Variants in PARN observed in about 807,000 individuals in gnomAD.
The protein encoded by PARN is poly(A)-specific ribonuclease, also known as poly(A)-specific ribonuclease PARN.
A neutral mutation model predicts 102.8 loss-of-function variants in PARN; 71 were observed. The observed-to-expected ratio is 0.69, with a 90% CI of 0.57 to 0.84. The LOEUF (loss-of-function observed/expected upper bound fraction) is 0.84. Ranked by LOEUF, PARN falls within the 40% of genes least tolerant of loss-of-function variation. PARN has a pLI of 0.00. For missense variants in PARN, 782 were observed against 760.9 expected (o/e 1.03, Z -0.33); for synonymous variants, 261 against 252.9 (o/e 1.03, Z -0.30).
intron 22 of PARN, among the ~76,000 whole-genome samples, chr16:14,466,315 T>G (rs76545496): frequency 6.6e-6 from 1 of 152,330 alleles, no homozygotes; most frequent in East Asian, 1.9e-4. Context: ...AAAGACAATG[T>G]TCATAGCTTT....
chr16:14,474,210 G>T (rs559418446), intron 22 of PARN, among the ~76,000 whole-genome samples: 1 of 152,172 alleles, frequency 6.6e-6, no homozygotes, highest in African/African-American at 2.4e-5. Context: ...TTGTCATGTT[G>T]CCCAGGCTGG....
intron 18 of PARN, among the ~76,000 whole-genome samples, chr16:14,560,867 C>A (rs764720725): frequency 1.3e-5 from 2 of 152,170 alleles, no homozygotes; most frequent in Admixed American, 6.5e-5. Context: ...GTGAAACAGG[C>A]GGTATAGGCC....
intron 16 of PARN, 22 bp from the exon 17 acceptor site, chr16:14,582,313 T>A: frequency 6.5e-7 from 1 of 1,546,284 alleles, no homozygotes; most frequent in South Asian, 1.1e-5. Flanking sequence ...AAGGAAAAAG[T>A]TTTCCTCAAA....
intron 18 of PARN, among the ~76,000 whole-genome samples, chr16:14,561,507 A>G (rs1034184110): frequency 4.6e-5 from 7 of 152,236 alleles, no homozygotes; most frequent in Admixed American, 2.0e-4. Flanking sequence ...AAAAGATATT[A>G]GTCTTAATGA....
intron 18 of PARN, among the ~76,000 whole-genome samples, chr16:14,563,310 G>A (rs1249672100): frequency 6.6e-6 from 1 of 152,190 alleles, no homozygotes; most frequent in Non-Finnish European, 1.5e-5. Flanking sequence ...GCAAAAAATG[G>A]TCACGCCTAG....
At chr16:14,600,660 G>A (rs1340916984) in intron 11 of PARN, among the ~76,000 whole-genome samples, 1 of 152,164 alleles carries the variant, frequency 6.6e-6, no homozygotes, top group Non-Finnish European at 1.5e-5. Context: ...GCTGGGTGAA[G>A]TGGCTCACGC....
intron 18 of PARN, among the ~76,000 whole-genome samples, chr16:14,559,411 T>G (rs1294373210): frequency 3.9e-5 from 4 of 103,524 alleles, no homozygotes; most frequent in East Asian, 3.9e-4. Context: ...AAAGATTTGT[T>G]TTTTTTTTTT....
chr16:14,609,791 AAAGAG>A, intron 7 of PARN, among the ~76,000 whole-genome samples: 2 of 152,378 alleles, frequency 1.3e-5, no homozygotes, highest in African/African-American at 4.8e-5. Flanking sequence ...TACTGCAAGC[AAAGAG>A]AACATGGACA....
chr16:14,526,638 C>CT (rs1293102205), intron 21 of PARN, among the ~76,000 whole-genome samples: 1 of 152,156 alleles, frequency 6.6e-6, no homozygotes, highest in African/African-American at 2.4e-5. Flanking sequence ...AGGGTGTAAT[C>CT]CACAATAAGG....
intron 21 of PARN, among the ~76,000 whole-genome samples, chr16:14,526,900 G>A (rs972856453): frequency 3.9e-5 from 6 of 152,160 alleles, no homozygotes; most frequent in Admixed American, 2.0e-4. Context: ...AAGCTCTGAG[G>A]TGAGTACCTC....
chr16:14,443,460 C>T (rs1175586638), intron 23 of PARN, among the ~76,000 whole-genome samples: 3 of 151,812 alleles, frequency 2.0e-5, no homozygotes, highest in Non-Finnish European at 4.4e-5. Context: ...CCTGCCTCAG[C>T]CTCCCAAGTA....
intron 21 of PARN, among the ~76,000 whole-genome samples, chr16:14,542,098 GAGCTC>G (rs1567365296): frequency 6.6e-6 from 1 of 151,856 alleles, no homozygotes; most frequent in East Asian, 1.9e-4. Context: ...TTGACCTCCT[GAGCTC>G]AGGGGATCCT....
chr16:14,441,505 G>C (rs1258239659), intron 23 of PARN, among the ~76,000 whole-genome samples: 1 of 152,228 alleles, frequency 6.6e-6, no homozygotes, highest in Admixed American at 6.5e-5. Flanking sequence ...TACACAGGAA[G>C]GTCCTTTGGG....
intron 21 of PARN, among the ~76,000 whole-genome samples, chr16:14,545,331 A>G (rs1033524006): frequency 4.6e-5 from 7 of 152,246 alleles, no homozygotes; most frequent in Non-Finnish European, 7.3e-5. Context: ...CTGAAATCCT[A>G]TTGAAATCTT....
chr16:14,561,143 G>C (rs1226417744), intron 18 of PARN, among the ~76,000 whole-genome samples: 1 of 138,340 alleles, frequency 7.2e-6, no homozygotes, highest in African/African-American at 2.7e-5. Context: ...AGTGATAAGA[G>C]CAAAACTCCG....
intron 22 of PARN, among the ~76,000 whole-genome samples, chr16:14,451,505 T>C (rs1395527038): frequency 1.3e-5 from 2 of 152,130 alleles, no homozygotes; most frequent in Non-Finnish European, 2.9e-5. Flanking sequence ...TCAAACATTC[T>C]AAGTGAATGA....
At position 14,589,429 on chromosome 16, in the gene PARN, G is replaced by A. The variant is rs1970038374; in HGVS notation, c.919-3068C>T. ...CTTTCAAAACAATTAGTGAGGCATG[G>A]TGGCATGTGCCTGTGGTCCCAGCTA... is the stretch of plus-strand genomic sequence containing the variant. On this transcript the variant is annotated intron_variant, in intron 13 of 23. Transcript: ENST00000437198. Among the ~76,000 whole-genome samples the A allele has an allele frequency of 3.9e-5, 6 of 152,000 alleles. No individual in the cohort carries two copies. The South Asian group carries it at 1.2e-3, about 32-fold the overall frequency.
At chr16:14,544,156 C>T (rs1966859871) in intron 21 of PARN, among the ~76,000 whole-genome samples, 2 of 152,092 alleles carry the variant, frequency 1.3e-5, no homozygotes, top group Admixed American at 1.3e-4. Flanking sequence ...CATGCCATTG[C>T]ACTCTAGCCT....
At chr16:14,590,437 C>T (rs1970123434) in intron 13 of PARN, among the ~76,000 whole-genome samples, 1 of 151,628 alleles carries the variant, frequency 6.6e-6, no homozygotes, top group Non-Finnish European at 1.5e-5. Flanking sequence ...GCGTTCGAGA[C>T]CAGCCAGGCC....
Sources: allele counts gnomAD v4.1 joint callset (sites outside exome capture counted in the v4.1 genomes callset), GRCh38; gene constraint gnomAD v4.1.1; transcripts MANE v1.5; gene names NCBI Gene and HGNC (gene_info 2026-07-23, HGNC 2026-07-21).